The following EHMT2 variants were observed in gnomAD, a reference collection of about 807,000 sequenced individuals.
The protein encoded by EHMT2 is euchromatic histone lysine methyltransferase 2, also known as histone-lysine N-methyltransferase EHMT2.
EHMT2 carries 59 observed loss-of-function variants against 143.3 expected under a neutral mutation model. That is an observed-to-expected ratio of 0.41 (90% confidence interval 0.33 to 0.51). The LOEUF (loss-of-function observed/expected upper bound fraction) is 0.51, where lower values mean the gene tolerates loss of function less well. Among genes scored for constraint, EHMT2 ranks in the 20% least tolerant of loss-of-function variants. EHMT2 has a pLI of 0.18. For synonymous variants in EHMT2, 604 were observed against 651.5 expected, an observed-to-expected ratio of 0.93 and a Z score of 1.11; for missense variants, 1,174 against 1,645.9, an observed-to-expected ratio of 0.71 and a Z score of 4.96.
chr6:31,894,737 C>T (rs867908556), intron 4 of EHMT2, among the ~76,000 whole-genome samples: 37 of 152,154 alleles, frequency 2.4e-4, no homozygotes, highest in Middle Eastern at 3.4e-3. Flanking sequence ...TCTTGGCTCA[C>T]TGCAAGTGAT....
chr6:31,896,415 C>T (rs1031960986), exon 4 of EHMT2: 6 of 1,613,040 alleles, frequency 3.7e-6, no homozygotes, highest in Non-Finnish European at 4.2e-6. Flanking sequence ...AAACTCTGGA[C>T]AGATGGAGGT....
At chr6:31,891,901 C>T (rs2151643418) in intron 7 of EHMT2, among the ~76,000 whole-genome samples, 1 of 152,038 alleles carries the variant, frequency 6.6e-6, no homozygotes, top group Admixed American at 6.5e-5. Flanking sequence ...ATCCCATGTG[C>T]AGGGTGGTGG....
exon 1 of EHMT2, chr6:31,897,661 CCCG>C (rs988574842): frequency 1.0e-4 from 118 of 1,162,828 alleles, no homozygotes; most frequent in Non-Finnish European, 1.1e-4. Context: ...CGCTGCAGCT[CCCG>C]CCGCCGCCGC....
Position 31,881,230 on chromosome 6 carries a change from A to G in EHMT2, c.3198-138T>C, listed in dbSNP as rs1764063006. 2.6e-6 allele frequency: 2 copies of G among 760,292 alleles called. No individual in the cohort carries two copies. The highest frequency in any genetic ancestry group is 2.9e-5 in the South Asian group (2 of 69,020). The allele number at this position is 760,292 out of a possible 1,614,324, so 47.1% of individuals were successfully genotyped here. ...GTGTGGGGAAGGGAAGGCCTGGAGCAGCAGTGGTGGGCAAGTGAAAGGGCA... is the reference window on the plus strand; with the variant it reads ...GTGTGGGGAAGGGAAGGCCTGGAGCGGCAGTGGTGGGCAAGTGAAAGGGCA... On this transcript the variant is annotated intron_variant, in intron 25 of 27. Transcript: ENST00000375537. The surrounding 1 kb of genome is among the most constrained non-coding windows in gnomAD (Gnocchi z 4.8).
chr6:31,893,513 G>A (rs1267650809), intron 4 of EHMT2: 1 of 320,318 alleles, frequency 3.1e-6, no homozygotes, highest in Non-Finnish European at 6.3e-6. Context: ...TTTTGGTAGA[G>A]AAGAGGTCTT....
At chr6:31,882,117 TA>T (rs9279449) in intron 25 of EHMT2, among the ~76,000 whole-genome samples, 18,003 of 97,098 alleles carry the variant, frequency 0.19, 2,036 homozygotes, top group African/African-American at 0.39. Context: ...AAAAATAAAT[TA>T]AAAAAAAAAA....
chr6:31,897,033 G>T (rs1766600452), intron 1 of EHMT2, 44 bp from the exon 2 acceptor site: 1 of 1,523,230 alleles, frequency 6.6e-7, no homozygotes, highest in Non-Finnish European at 8.8e-7. Flanking sequence ...CAGCCCAGTA[G>T]AGAGTTGGGG....
intron 7 of EHMT2, among the ~76,000 whole-genome samples, chr6:31,891,587 G>T (rs888699443): frequency 6.6e-6 from 1 of 152,028 alleles, no homozygotes; most frequent in Admixed American, 6.6e-5. Flanking sequence ...GGTACATGGG[G>T]GCTCCCTATT....
At chr6:31,894,001 G>A (rs760015258) in intron 4 of EHMT2, among the ~76,000 whole-genome samples, 1 of 152,070 alleles carries the variant, frequency 6.6e-6, no homozygotes, top group Non-Finnish European at 1.5e-5. Context: ...TTTAGATGGA[G>A]TCTCACTCTG....
intron 4 of EHMT2, among the ~76,000 whole-genome samples, chr6:31,894,698 G>A (rs899184881): frequency 2.7e-4 from 41 of 152,184 alleles, no homozygotes; most frequent in Admixed American, 2.5e-3. Context: ...GTCTCGCTCT[G>A]TTGCCCAGGC....
In EHMT2 at chr6:31,887,794, A is replaced by C. The variant is rs779933431; in HGVS notation, c.1913T>G (p.Ile638Ser). 3 of 1,602,056 alleles carry C rather than the reference A, an allele frequency of 1.9e-6. No individual in the cohort carries two copies. The African/African-American group carries it at 4.0e-5, about 21-fold the overall frequency. Residue 638 changes from isoleucine (I) to serine (S), a missense_variant, in exon 14 of 28, where the codon ATC (isoleucine) becomes AGC (serine). This residue lies in a region of EHMT2 where 608 missense variants were observed against 903.7 expected (regional missense o/e 0.67). Coordinates refer to ENST00000375537, the Ensembl canonical transcript of EHMT2. ...CCCCACTCACCTCTCTGACTCCTGGATGACCAGGGCCTTTTCCAGGGCCTC... is the reference window on the plus strand; with the variant it reads ...CCCCACTCACCTCTCTGACTCCTGGCTGACCAGGGCCTTTTCCAGGGCCTC...
rs759864453 is a variant in EHMT2, at chr6:31,883,700, C to T, written c.2916+106G>A. 24 of 1,486,196 alleles carry T rather than the reference C, an allele frequency of 1.6e-5. No homozygotes were observed. Among genetic ancestry groups the T allele is most frequent in the Non-Finnish European group, 2.1e-5 (23 of 1,089,676 alleles). The allele number at this position is 1,486,196 out of a possible 1,614,324, so 92.1% of individuals were successfully genotyped here. A position where few individuals can be genotyped will look rare whatever the true frequency, so the allele number is the denominator to read the frequency against. ...GCGACCCCACACCAGGGCTCCCTTT[C>T]AGCCAACCCTTCCTTGGCCAGGTGC... On this transcript the variant is annotated intron_variant, in intron 22 of 27. Coordinates refer to ENST00000375537, the Ensembl canonical transcript of EHMT2. This position sits in a 1 kb window ranked among gnomAD's most constrained non-coding sequence, Gnocchi z 5.6.
In EHMT2 at chr6:31,884,320, T is replaced by C; in HGVS notation, c.2771+72A>G. ...GAGGGGTTGGGGAATGTTGTGAGGA[T>C]GCAATGGAGCCTGGGGAGGGTATGG... is the stretch of plus-strand genomic sequence containing the variant. On this transcript the variant is annotated intron_variant, in intron 21 of 27. Transcript: ENST00000375537. The surrounding 1 kb of genome is among the most constrained non-coding windows in gnomAD (Gnocchi z 7.3). 2 of 1,492,478 alleles carry C rather than the reference T, an allele frequency of 1.3e-6. No individual in the cohort carries two copies. Among genetic ancestry groups the C allele is most frequent in the Admixed American group, 1.9e-5 (1 of 53,338 alleles). 92.5% of individuals were successfully genotyped at this position (1,492,478 alleles called of 1,614,324 possible).
At position 31,883,626 on chromosome 6, in the gene EHMT2, A is replaced by G; in HGVS notation, c.2916+180T>C. The G allele has an allele frequency of 9.5e-7, 1 of 1,053,556 alleles. No homozygotes were observed. The highest frequency in any genetic ancestry group is 1.4e-6 in the Non-Finnish European group (1 of 708,058). 65.3% of individuals were successfully genotyped at this position (1,053,556 alleles called of 1,614,324 possible). A position where few individuals can be genotyped will look rare whatever the true frequency, so the allele number is the denominator to read the frequency against. ...GTCCCCAGGGCTACTGGGAGCTCAT[A>G]TGATACCTTGCTGTGACCTAGGAAA... On this transcript the variant is annotated intron_variant, in intron 22 of 27. Coordinates refer to ENST00000375537, the Ensembl canonical transcript of EHMT2. The surrounding 1 kb of genome is among the most constrained non-coding windows in gnomAD (Gnocchi z 5.6).
intron 7 of EHMT2, among the ~76,000 whole-genome samples, chr6:31,891,088 A>G (rs1765621341): frequency 6.6e-6 from 1 of 151,828 alleles, no homozygotes; most frequent in Non-Finnish European, 1.5e-5. Context: ...AATTACAGGC[A>G]CGTACCACTA....
rs1442149486 is a variant in EHMT2, at chr6:31,883,143, C to A, written c.2995-134G>T. 1 of 886,238 alleles carries A rather than the reference C, an allele frequency of 1.1e-6. No homozygotes were observed. 54.9% of individuals were successfully genotyped at this position (886,238 alleles called of 1,614,324 possible). ...ACACAGGCTCTGAGATCCGAGAGCACGAAATGCAGGAGCATCATCCCTGGT... is the reference window on the plus strand; with the variant it reads ...ACACAGGCTCTGAGATCCGAGAGCAAGAAATGCAGGAGCATCATCCCTGGT... On this transcript the variant is annotated intron_variant, in intron 23 of 27. Coordinates refer to ENST00000375537, the Ensembl canonical transcript of EHMT2. This position sits in a 1 kb window ranked among gnomAD's most constrained non-coding sequence, Gnocchi z 5.6.
At chr6:31,894,975 T>C (rs1766190967) in intron 4 of EHMT2, among the ~76,000 whole-genome samples, 1 of 152,254 alleles carries the variant, frequency 6.6e-6, no homozygotes, top group Admixed American at 6.5e-5. Context: ...ATTATGTTAT[T>C]ATTGTTGTTA....
intron 4 of EHMT2, chr6:31,893,429 TG>T: frequency 2.4e-6 from 1 of 423,874 alleles, no homozygotes; most frequent in Admixed American, 2.7e-5. Context: ...GCCATTCTCC[TG>T]CCTCAGCTTC....
chr6:31,888,449 C>T lies in EHMT2; in HGVS notation c.1423G>A (p.Val475Met). The T allele has an allele frequency of 6.2e-7, 1 of 1,612,964 alleles. No homozygotes were observed. Among genetic ancestry groups the T allele is most frequent in the Non-Finnish European group, 8.5e-7 (1 of 1,179,922 alleles). The stretch of plus-strand genomic sequence containing the variant: ...GTCTCACAGAGCACCATCAGGGCCA[C>T]ACGGCTGGATGGCCTCATGGTCTCC... Residue 475 changes from valine to methionine, a missense_variant, in exon 12 of 28, where the codon GTG becomes ATG. Physicochemically the swap from Val to Met is conservative, Grantham distance 21. Around this residue, in one of 6 missense-constraint regions of EHMT2, gnomAD observed 608 missense variants for 903.7 expected, o/e 0.67. Transcript: ENST00000375537. This position sits in a 1 kb window ranked among gnomAD's most constrained non-coding sequence, Gnocchi z 7.4.
Sources: allele counts gnomAD v4.1 joint callset (sites outside exome capture counted in the v4.1 genomes callset), GRCh38; gene constraint gnomAD v4.1.1; regional missense constraint gnomAD v4.1.1; non-coding constraint Gnocchi (gnomAD v3.1); transcripts MANE v1.5; gene names NCBI Gene and HGNC (gene_info 2026-07-23, HGNC 2026-07-21).